Variants in CASK observed in about 807,000 individuals in gnomAD.
CASK encodes calcium/calmodulin dependent serine protein kinase.
In CASK, 4 loss-of-function variants were observed where a neutral mutation model predicts 82.9. The observed-to-expected ratio is 0.05, with a 90% CI of 0.02 to 0.11. CASK has a LOEUF of 0.11. Among genes scored for constraint, CASK ranks in the 10% least tolerant of loss-of-function variants. CASK has a pLI of 1.00. For synonymous variants in CASK, 259 were observed against 253.5 expected (o/e 1.02, Z -0.20); for missense variants, 358 against 720.9 (o/e 0.50, Z 5.76).
At chrX:41,903,930 T>C (rs1215668646) in intron 1 of CASK, among the ~76,000 whole-genome samples, 1 of 112,149 alleles carries the variant, frequency 8.9e-6, no homozygotes, top group East Asian at 2.8e-4. Context: ...TACAATCTGG[T>C]GGTTTTTAGT....
intron 5 of CASK, chrX:41,696,903 T>G: frequency 2.3e-6 from 1 of 432,133 alleles, no homozygotes. Context: ...GTATTTGTGA[T>G]ATTTCATTTG....
chrX:41,652,358 A>C (rs193251734), intron 8 of CASK, among the ~76,000 whole-genome samples: 2 of 112,095 alleles, frequency 1.8e-5, no homozygotes, highest in Non-Finnish European at 3.8e-5. Context: ...AAACTAGATG[A>C]GCTCTCCAAG....
intron 5 of CASK, among the ~76,000 whole-genome samples, chrX:41,686,652 G>A (rs2067446212): frequency 9.0e-6 from 1 of 111,431 alleles, no homozygotes; most frequent in African/African-American, 3.3e-5. Flanking sequence ...CAGCCCAGGG[G>A]CCCACTTGAG....
intron 5 of CASK, among the ~76,000 whole-genome samples, chrX:41,701,562 C>T (rs181350395): frequency 8.9e-6 from 1 of 111,840 alleles, no homozygotes; most frequent in African/African-American, 3.2e-5. Context: ...GCGGCATTCC[C>T]ATGTTGGATG....
chrX:41,534,227 G>A (rs1438457634), intron 24 of CASK, among the ~76,000 whole-genome samples: 2 of 111,156 alleles, frequency 1.8e-5, no homozygotes, highest in African/African-American at 6.5e-5. Context: ...AAAGTGGTAA[G>A]AAATCAACAA....
intron 2 of CASK, among the ~76,000 whole-genome samples, chrX:41,840,939 T>G (rs1309421374): frequency 4.4e-5 from 5 of 112,441 alleles, no homozygotes; most frequent in Non-Finnish European, 9.4e-5. Flanking sequence ...GTTTACCCAT[T>G]CATCAGTTGA....
At chrX:41,850,125 G>A (rs936064283) in intron 2 of CASK, among the ~76,000 whole-genome samples, 1 of 112,076 alleles carries the variant, frequency 8.9e-6, no homozygotes, top group African/African-American at 3.2e-5. Context: ...AGGCTGCAAT[G>A]AGCCATGATT....
rs2072661689 is a variant in CASK, at chrX:41,915,663, A to C, written c.59+7267T>G. Among the ~76,000 whole-genome samples the C allele has an allele frequency of 2.7e-5, 3 of 110,519 alleles. No individual in the cohort carries two copies. The Admixed American group carries it at 2.9e-4, about 11-fold the overall frequency. ...TGGATCACCTGACGTCAGGAGTTCG[A>C]GACCAGCCTGGTGAAACCCCGTCTC... On this transcript the variant is annotated intron_variant, in intron 1 of 26. Coordinates refer to ENST00000378163, the MANE Select transcript of CASK (RefSeq NM_001367721.1).
At chrX:41,884,130 G>C (rs2072003425) in intron 1 of CASK, among the ~76,000 whole-genome samples, 1 of 112,132 alleles carries the variant, frequency 8.9e-6, no homozygotes, top group East Asian at 2.8e-4. Context: ...CCCTAGAGCA[G>C]AGCCAGGGCC....
At chrX:41,880,744 A>G (rs946487707) in intron 1 of CASK, among the ~76,000 whole-genome samples, 3 of 111,661 alleles carry the variant, frequency 2.7e-5, no homozygotes, top group African/African-American at 9.8e-5. Flanking sequence ...CAACCCTTAA[A>G]ATTACTGCAT....
intron 1 of CASK, among the ~76,000 whole-genome samples, chrX:41,902,102 C>G (rs903323395): frequency 3.6e-5 from 4 of 111,192 alleles, no homozygotes; most frequent in African/African-American, 1.3e-4. Context: ...GGTCCTGGGT[C>G]CACTGCAGCA....
At chrX:41,729,771 AAAAAAAAAAAAT>A (rs2068346795) in intron 5 of CASK, 1 of 86,062 alleles carries the variant, frequency 1.2e-5, no homozygotes, top group African/African-American at 4.4e-5. Context: ...AAAAAAAAAA[AAAAAAAAAAAAT>A]ATATATATAT....
chrX:41,792,020 CA>C (rs1251248137), intron 2 of CASK, among the ~76,000 whole-genome samples: 1 of 111,080 alleles, frequency 9.0e-6, no homozygotes, highest in African/African-American at 3.3e-5. Context: ...TGCCATATGG[CA>C]TTAGAATGAC....
At chrX:41,843,532 T>C (rs1262793324) in intron 2 of CASK, among the ~76,000 whole-genome samples, 2 of 112,126 alleles carry the variant, frequency 1.8e-5, no homozygotes, top group Non-Finnish European at 3.8e-5. Flanking sequence ...TAAAAAATCC[T>C]TATTCAGGTA....
At chrX:41,895,842 C>CAT in intron 1 of CASK, among the ~76,000 whole-genome samples, 1 of 111,305 alleles carries the variant, frequency 9.0e-6, no homozygotes, top group African/African-American at 3.3e-5. Context: ...AGCTTATGGG[C>CAT]ACATTTGAAG....
intron 1 of CASK, among the ~76,000 whole-genome samples, chrX:41,915,014 A>G (rs1150371): frequency 0.17 from 19,108 of 111,180 alleles, 1,476 homozygotes; most frequent in Middle Eastern, 0.31. Flanking sequence ...TTATAGCCAC[A>G]TGTGTTCTTA....
intron 2 of CASK, among the ~76,000 whole-genome samples, chrX:41,834,414 T>C (rs1357629429): frequency 8.9e-6 from 1 of 112,005 alleles, no homozygotes; most frequent in Non-Finnish European, 1.9e-5. Flanking sequence ...AAGTAAGAAT[T>C]TGAAAAGTGG....
chrX:41,744,345 T>TTA (rs2068649549), intron 4 of CASK, among the ~76,000 whole-genome samples: 1 of 109,044 alleles, frequency 9.2e-6, no homozygotes, highest in African/African-American at 3.3e-5. Flanking sequence ...TCATATTTAC[T>TTA]TCTTTTTTTT....
At chrX:41,546,121 C>A (rs2065020056) in intron 21 of CASK, among the ~76,000 whole-genome samples, 1 of 111,240 alleles carries the variant, frequency 9.0e-6, no homozygotes, top group African/African-American at 3.3e-5. Context: ...TTACGGGTGC[C>A]TGCCACCACG....
Sources: gnomAD v4.1 joint callset for allele counts (sites outside exome capture counted in the v4.1 genomes callset) on GRCh38, gnomAD v4.1.1 for gene constraint, MANE v1.5 for transcripts, NCBI Gene and HGNC (gene_info 2026-07-23, HGNC 2026-07-21) for gene names.